Variants in NFIB observed in about 807,000 individuals in gnomAD.
NFIB encodes nuclear factor 1 B-type.
Under a neutral mutation model 61.5 loss-of-function variants are expected in NFIB, and 11 were observed. The observed-to-expected ratio is 0.18, with a 90% CI of 0.11 to 0.30. The LOEUF (loss-of-function observed/expected upper bound fraction) is 0.30, where lower values mean the gene tolerates loss of function less well. Among genes scored for constraint, NFIB ranks in the 10% least tolerant of loss-of-function variants. NFIB has a pLI of 1.00. For synonymous variants in NFIB, 260 were observed against 216.5 expected (o/e 1.20, Z -1.76); for missense variants, 471 against 608.9 (o/e 0.77, Z 2.38).
intron 1 of NFIB, among the ~76,000 whole-genome samples, chr9:14,344,398 T>C (rs947138971): frequency 1.3e-5 from 2 of 148,942 alleles, no homozygotes; most frequent in Admixed American, 6.6e-5. Context: ...GTCTAGTCTA[T>C]TGTTGTCTCA....
chr9:14,416,963 G>A, the NFIB span, among the ~76,000 whole-genome samples: 2 of 145,888 alleles, frequency 1.4e-5, no homozygotes. Context: ...CATGATCTCA[G>A]CTCACTGCAA....
chr9:14,086,614 G>T lies in NFIB; in HGVS notation c.*1695C>A. On this transcript the variant is annotated 3_prime_UTR_variant, in exon 11 of 11. Coordinates refer to ENST00000380953, the MANE Select transcript of NFIB (RefSeq NM_001190737.2). The stretch of plus-strand genomic sequence containing the variant: ...CGGCAACTATACACAGCCATGATAT[G>T]CTTTATAAATGTGAGATAAAGGTAT... 4.7e-6 allele frequency: 1 copy of T among 214,782 alleles called. No individual in the cohort carries two copies. Among genetic ancestry groups the T allele is most frequent in the Non-Finnish European group, 9.4e-6 (1 of 106,106 alleles). 13.3% of individuals were successfully genotyped at this position (214,782 alleles called of 1,614,324 possible). A position where few individuals can be genotyped will look rare whatever the true frequency, so the allele number is the denominator to read the frequency against.
chr9:14,131,827 A>G (rs2040442292), intron 6 of NFIB, among the ~76,000 whole-genome samples: 1 of 152,170 alleles, frequency 6.6e-6, no homozygotes, highest in Non-Finnish European at 1.5e-5. Context: ...TGGCACTCCA[A>G]TCAGTTAGCC....
At chr9:14,097,874 T>C (rs2118741892) in intron 10 of NFIB, among the ~76,000 whole-genome samples, 1 of 141,512 alleles carries the variant, frequency 7.1e-6, no homozygotes, top group African/African-American at 2.6e-5. Flanking sequence ...CTTTCTTTTT[T>C]CTTTTTTTTT....
At chr9:14,437,352 G>C in the NFIB span, among the ~76,000 whole-genome samples, 2 of 152,130 alleles carry the variant, frequency 1.3e-5, no homozygotes, top group Non-Finnish European at 2.9e-5. Flanking sequence ...TCCAAATGTT[G>C]TCAGCCTTAT....
intron 10 of NFIB, among the ~76,000 whole-genome samples, chr9:14,109,262 A>T (rs547744931): frequency 6.6e-6 from 1 of 152,108 alleles, no homozygotes; most frequent in African/African-American, 2.4e-5. Context: ...GATAGTTCCC[A>T]TTTTCTCAGG....
intron 6 of NFIB, among the ~76,000 whole-genome samples, chr9:14,127,527 T>C (rs889492405): frequency 1.3e-5 from 2 of 152,190 alleles, no homozygotes; most frequent in South Asian, 4.1e-4. Flanking sequence ...ACTTTGCTTC[T>C]AAGTAGTTCA....
exon 1 of NFIB, chr9:14,398,641 G>A (rs1382088227): frequency 2.6e-6 from 4 of 1,516,308 alleles, no homozygotes; most frequent in Non-Finnish European, 2.6e-6. Context: ...TACTCCGAAC[G>A]GATTCCCGAC....
At chr9:14,481,065 C>A in the NFIB span, among the ~76,000 whole-genome samples, 1 of 150,854 alleles carries the variant, frequency 6.6e-6, no homozygotes. Context: ...GCATGACAGA[C>A]CAGTGTGCAA....
At chr9:14,129,427 C>G (rs60249905) in intron 6 of NFIB, among the ~76,000 whole-genome samples, 3,277 of 151,128 alleles carry the variant, frequency 0.022, 122 homozygotes, top group African/African-American at 0.074. Flanking sequence ...AAAAAACACC[C>G]TCTCTAGACT....
the NFIB span, among the ~76,000 whole-genome samples, chr9:14,503,735 A>T: frequency 6.6e-6 from 1 of 152,154 alleles, no homozygotes; most frequent in East Asian, 1.9e-4. Context: ...TATTTGTTGG[A>T]TGTATAGATT....
At chr9:14,241,677 C>T (rs538982486) in intron 2 of NFIB, among the ~76,000 whole-genome samples, 2 of 152,186 alleles carry the variant, frequency 1.3e-5, no homozygotes, top group Admixed American at 1.3e-4. Context: ...TCAGGGCCCA[C>T]AACCATATGC....
At chr9:14,458,439 C>A in the NFIB span, among the ~76,000 whole-genome samples, 2 of 152,198 alleles carry the variant, frequency 1.3e-5, no homozygotes, top group Admixed American at 6.5e-5. Flanking sequence ...TGGAAGCATT[C>A]CCTTTGAAAA....
the NFIB span, among the ~76,000 whole-genome samples, chr9:14,433,916 T>C: frequency 6.6e-6 from 1 of 152,230 alleles, no homozygotes; most frequent in African/African-American, 2.4e-5. Flanking sequence ...AGCCTCGTTC[T>C]CTTCCAAAAA....
chr9:14,357,664 T>C (rs1023182624), intron 1 of NFIB: 1 of 152,224 alleles, frequency 6.6e-6, no homozygotes, highest in Non-Finnish European at 1.5e-5. Flanking sequence ...AAATGGAAAC[T>C]TATGTCCACG....
rs530418125 is a variant in NFIB at position 14,194,356 on chromosome 9, T to A, written c.563-14576A>T. 2.0e-4 allele frequency among the ~76,000 whole-genome samples: 30 copies of A among 152,250 alleles called. 1 individual carries two copies. In the South Asian group the frequency reaches 5.6e-3, roughly 28 times the overall value. ...CTCCATAAATATGACAGCAGACATA[T>A]TGCACAGACACTAAAAACCATAGGA... On this transcript the variant is annotated intron_variant, in intron 2 of 10. Transcript: ENST00000380953.
At chr9:14,248,806 A>G (rs538928537) in intron 2 of NFIB, among the ~76,000 whole-genome samples, 5 of 152,236 alleles carry the variant, frequency 3.3e-5, no homozygotes, top group African/African-American at 1.2e-4. Flanking sequence ...GGAAGGGAAC[A>G]TTTTCCTCCC....
chr9:14,340,429 G>A (rs1376036365), intron 1 of NFIB, among the ~76,000 whole-genome samples: 1 of 152,176 alleles, frequency 6.6e-6, no homozygotes. Context: ...CACCACACTC[G>A]TAGCAATTCT....
the NFIB span, among the ~76,000 whole-genome samples, chr9:14,466,446 AC>A: frequency 6.6e-6 from 1 of 152,050 alleles, no homozygotes; most frequent in South Asian, 2.1e-4. Context: ...TCTGGATCGC[AC>A]CATCCTCTGG....
Sources: allele counts gnomAD v4.1 joint callset (sites outside exome capture counted in the v4.1 genomes callset), GRCh38; gene constraint gnomAD v4.1.1; transcripts MANE v1.5; gene names NCBI Gene and HGNC (gene_info 2026-07-23, HGNC 2026-07-21).